The following BPIFB4 variants were observed in gnomAD, a reference collection of about 807,000 sequenced individuals.
The protein encoded by BPIFB4 is BPI fold-containing family B member 4.
A neutral mutation model predicts 69.2 loss-of-function variants in BPIFB4; 62 were observed. The observed-to-expected ratio is 0.90, with a 90% CI of 0.73 to 1.11. The LOEUF is 1.11. Among genes scored for constraint, BPIFB4 ranks in the 50% least tolerant of loss-of-function variants. BPIFB4 has a pLI of 0.00. For synonymous variants in BPIFB4, 330 were observed against 332.7 expected, an observed-to-expected ratio of 0.99 and a Z score of 0.09; for missense variants, 789 against 792.0, an observed-to-expected ratio of 1.00 and a Z score of 0.04.
At chr20:33,093,433 A>T (rs1401206228) in intron 11 of BPIFB4, among the ~76,000 whole-genome samples, 1 of 148,556 alleles carries the variant, frequency 6.7e-6, no homozygotes, top group African/African-American at 2.5e-5. Flanking sequence ...CCACCCATTC[A>T]TCCACCAATT....
chr20:33,098,996 T>A (rs1981832496), intron 13 of BPIFB4, among the ~76,000 whole-genome samples: 1 of 151,658 alleles, frequency 6.6e-6, no homozygotes, highest in Non-Finnish European at 1.5e-5. Flanking sequence ...TTTTTTTTTT[T>A]TTTTCTTTGA....
At chr20:33,097,582 G>A (rs1184057786) in intron 12 of BPIFB4, 35 bp from the exon 13 acceptor site, 1 of 1,600,070 alleles carries the variant, frequency 6.2e-7, no homozygotes, top group Non-Finnish European at 8.5e-7. Flanking sequence ...CCTATGCTAA[G>A]GGCCCTGTCC....
At chr20:33,107,640 A>C in intron 16 of BPIFB4, 104 bp from the exon 17 acceptor site, 1 of 880,842 alleles carries the variant, frequency 1.1e-6, no homozygotes, top group Non-Finnish European at 1.9e-6. Flanking sequence ...TGTCTCAAAA[A>C]AAGAAAAAAG....
intron 11 of BPIFB4, among the ~76,000 whole-genome samples, chr20:33,094,850 CT>C (rs1981712375): frequency 6.6e-6 from 1 of 152,168 alleles, no homozygotes; most frequent in Non-Finnish European, 1.5e-5. Flanking sequence ...GTTTTGCCTG[CT>C]GTTCTTTGAA....
intron 15 of BPIFB4, 114 bp from the exon 16 acceptor site, chr20:33,104,696 A>C: frequency 2.1e-6 from 2 of 941,844 alleles, no homozygotes; most frequent in Non-Finnish European, 3.2e-6. Flanking sequence ...CAGAACCTAG[A>C]CTCTCCCAGA....
chr20:33,092,483 G>T lies in BPIFB4; in HGVS notation c.1169G>T (p.Gly390Val). Residue 390 changes from glycine (G) to valine (V), a missense_variant, in exon 11 of 18, where the codon GGA (glycine) becomes GTA (valine). Around this residue, in one of 3 missense-constraint regions of BPIFB4, gnomAD observed 611 missense variants for 575.4 expected, o/e 1.06. Coordinates refer to ENST00000375483, the MANE Select transcript of BPIFB4 (RefSeq NM_182519.3). ...ACGCTGGTTGGGGAGGCTGGAGGAGGACTCATCGACTACCCATTGGGGTGG... is the reference window on the plus strand; with the variant it reads ...ACGCTGGTTGGGGAGGCTGGAGGAGTACTCATCGACTACCCATTGGGGTGG... Reference protein sequence around the residue: ...LNTLVGEAGGGLIDYPLGWPA... With the variant: ...LNTLVGEAGGVLIDYPLGWPA... The T allele has an allele frequency of 6.2e-7, 1 of 1,613,982 alleles. No individual in the cohort carries two copies. The highest frequency in any genetic ancestry group is 8.5e-7 in the Non-Finnish European group (1 of 1,179,964).
At chr20:33,102,243 G>A (rs988755553) in intron 14 of BPIFB4, among the ~76,000 whole-genome samples, 19 of 152,358 alleles carry the variant, frequency 1.2e-4, no homozygotes, top group African/African-American at 4.1e-4. Flanking sequence ...TGTCCCAAGC[G>A]GAGAGTCTTG....
chr20:33,091,425 C>T (rs1296540312), intron 10 of BPIFB4, among the ~76,000 whole-genome samples: 1 of 152,224 alleles, frequency 6.6e-6, no homozygotes, highest in East Asian at 1.9e-4. Context: ...CTGGCTCCTC[C>T]AGCACTGGCC....
intron 3 of BPIFB4, among the ~76,000 whole-genome samples, chr20:33,082,051 C>T (rs867389927): frequency 1.4e-4 from 22 of 152,196 alleles, no homozygotes; most frequent in Non-Finnish European, 1.8e-4. Flanking sequence ...AAACTTAGCA[C>T]AGCTCCTGGG....
chr20:33,091,204 G>A (rs1226924480), intron 10 of BPIFB4, among the ~76,000 whole-genome samples: 4 of 152,198 alleles, frequency 2.6e-5, no homozygotes, highest in Non-Finnish European at 5.9e-5. Flanking sequence ...GGGATTGGGT[G>A]TACTGGAGGA....
chr20:33,084,923 G>T lies in BPIFB4; in HGVS notation c.709G>T (p.Val237Leu), dbSNP rs1358692166. The change falls in exon 6 of 18, where the codon GTG becomes TTG. Residue 237 changes from valine to leucine, a missense_variant. Around this residue, in one of 3 missense-constraint regions of BPIFB4, gnomAD observed 611 missense variants for 575.4 expected, o/e 1.06. Coordinates refer to ENST00000375483, the MANE Select transcript of BPIFB4 (RefSeq NM_182519.3). ...LRIVELTLPR[V>L]SVRLLPGVGV... ...TATCGTGGAGCTGACCCTCCCTCGG[G>T]TGTCCGTGCGGCTCCTGCCCGGCGT... 1 of 1,610,536 alleles carries T rather than the reference G, an allele frequency of 6.2e-7. No individual in the cohort carries two copies. Among genetic ancestry groups the T allele is most frequent in the Non-Finnish European group, 8.5e-7 (1 of 1,179,984 alleles).
At chr20:33,101,665 C>A (rs907535430) in intron 14 of BPIFB4, among the ~76,000 whole-genome samples, 1 of 152,162 alleles carries the variant, frequency 6.6e-6, no homozygotes, top group Admixed American at 6.5e-5. Flanking sequence ...CCTACCTCAG[C>A]CTCCCAAGTA....
chr20:33,083,439 T>G lies in BPIFB4; in HGVS notation c.242T>G (p.Leu81Arg), dbSNP rs191647746. 6.2e-7 allele frequency: 1 copy of G among 1,613,420 alleles called. No individual in the cohort carries two copies. The change falls in exon 5 of 18, where the codon CTT becomes CGT. Residue 81 changes from leucine to arginine, a missense_variant. Physicochemically the swap from Leu to Arg is moderately radical, Grantham distance 102 (BLOSUM62 -2). Around this residue, in one of 3 missense-constraint regions of BPIFB4, gnomAD observed 611 missense variants for 575.4 expected, o/e 1.06. Coordinates refer to ENST00000375483, the MANE Select transcript of BPIFB4 (RefSeq NM_182519.3). Reference sequence around the variant, plus strand: ...CCAGTATATACCAACGGCAAAAAACTTGATGGTATTTACCAGTATGGTCAC... The same window carrying G: ...CCAGTATATACCAACGGCAAAAAACGTGATGGTATTTACCAGTATGGTCAC... Reference protein sequence around the residue: ...PPPVYTNGKKLDGIYQYGHIE... With the variant: ...PPPVYTNGKKRDGIYQYGHIE...
intron 13 of BPIFB4, among the ~76,000 whole-genome samples, 182 bp from the exon 14 acceptor site, chr20:33,100,244 T>C (rs573737532): frequency 1.3e-5 from 2 of 152,250 alleles, no homozygotes; most frequent in East Asian, 3.9e-4. Flanking sequence ...CAGTACATGG[T>C]GAGTGTTAAC....
chr20:33,095,297 G>A, intron 12 of BPIFB4, 144 bp downstream of exon 12: 1 of 881,992 alleles, frequency 1.1e-6, no homozygotes, highest in South Asian at 1.4e-5. Context: ...CAGTGACAAG[G>A]GCTTGCAGGC....
chr20:33,090,631 C>G, intron 9 of BPIFB4, 77 bp from the exon 10 acceptor site: 1 of 1,586,752 alleles, frequency 6.3e-7, no homozygotes, highest in Non-Finnish European at 8.6e-7. Flanking sequence ...CTTGTCCATC[C>G]CCAGCCCCAG....
At position 33,082,991 on chromosome 20, in the gene BPIFB4, G is replaced by A. The variant is rs368741399; in HGVS notation, c.160G>A (p.Val54Met). 1.2e-5 allele frequency: 19 copies of A among 1,612,302 alleles called. No homozygotes were observed. Among genetic ancestry groups the A allele is most frequent in the Non-Finnish European group, 1.4e-5 (17 of 1,179,324 alleles). Residue 54 changes from valine (V) to methionine (M), a missense_variant, in exon 4 of 18, where the codon GTG (valine) becomes ATG (methionine). Val to Met is a conservative substitution (Grantham distance 21). Transcript: ENST00000375483. The stretch of plus-strand genomic sequence containing the variant: ...TGCTCTCCACTCGGCCCTGAGAGAG[G>A]TGCCCTTGGGTAAAGCCCGTGGTGA... ...SDALHSALREVPLGVGDIPYN... is the reference protein window; with the variant it reads ...SDALHSALREMPLGVGDIPYN...
chr20:33,081,645 C>T lies in BPIFB4; in HGVS notation c.106+13C>T, dbSNP rs1226224375. 2.6e-6 allele frequency: 4 copies of T among 1,551,484 alleles called. No homozygotes were observed. Among genetic ancestry groups the T allele is most frequent in the Non-Finnish European group, 3.5e-6 (4 of 1,146,924 alleles). On this transcript the variant is annotated intron_variant, in intron 3 of 17. Coordinates refer to ENST00000375483, the MANE Select transcript of BPIFB4 (RefSeq NM_182519.3). ...GTGTTGAGCAATGGTGAGTCCAGCC[C>T]CAAAGGGGTGAGGGTTGGCATGGGG...
intron 11 of BPIFB4, 118 bp downstream of exon 11, chr20:33,092,776 C>A (rs1241745998): frequency 3.2e-6 from 3 of 936,420 alleles, no homozygotes; most frequent in African/African-American, 3.2e-5. Flanking sequence ...GATGGTCCAC[C>A]CCTTGACTCA....
Sources: allele counts gnomAD v4.1 joint callset (sites outside exome capture counted in the v4.1 genomes callset), GRCh38; gene constraint gnomAD v4.1.1; regional missense constraint gnomAD v4.1.1; transcripts MANE v1.5; gene names NCBI Gene and HGNC (gene_info 2026-07-23, HGNC 2026-07-21).